AGBL4: variants seen among roughly 807,000 people sequenced by gnomAD.
The protein encoded by AGBL4 is AGBL carboxypeptidase 4, also known as cytosolic carboxypeptidase 6.
Under a neutral mutation model 66.4 loss-of-function variants are expected in AGBL4, and 58 were observed. That is an observed-to-expected ratio of 0.87 (90% CI 0.71 to 1.09). AGBL4 has a LOEUF of 1.09. AGBL4 is among the 50% of genes least tolerant of loss of function. AGBL4 has a pLI of 0.00. For missense variants in AGBL4, 579 were observed against 631.0 expected, an observed-to-expected ratio of 0.92 and a Z score of 0.88; for synonymous variants, 234 against 222.9, an observed-to-expected ratio of 1.05 and a Z score of -0.44.
At chr1:49,507,537 C>T (rs1332945581) in intron 3 of AGBL4, among the ~76,000 whole-genome samples, 2 of 151,708 alleles carry the variant, frequency 1.3e-5, no homozygotes, top group Admixed American at 6.6e-5. Context: ...GAACACTTTT[C>T]AATTACTCCT....
intron 2 of AGBL4, among the ~76,000 whole-genome samples, chr1:49,815,581 G>C (rs1645211155): frequency 6.6e-6 from 1 of 151,980 alleles, no homozygotes; most frequent in Admixed American, 6.6e-5. Flanking sequence ...TCATTAACTT[G>C]GGAACCTCCA....
intron 3 of AGBL4, among the ~76,000 whole-genome samples, chr1:49,658,054 A>T (rs1431309044): frequency 6.6e-6 from 1 of 152,194 alleles, no homozygotes. Context: ...AGAAACTACC[A>T]TCAGAGTGAA....
intron 3 of AGBL4, among the ~76,000 whole-genome samples, chr1:49,264,004 T>A (rs1477066906): frequency 2.6e-5 from 4 of 152,166 alleles, no homozygotes; most frequent in African/African-American, 4.8e-5. Context: ...CCAAAAACTA[T>A]GTTTAATGAA....
In AGBL4 at chr1:49,935,762, C is replaced by G. The variant is rs368033063; in HGVS notation, c.35-84244G>C. ...GGACCTCTAGCAAACTCCAACAGAC[C>G]TGCAGCTGAGGGTCCTGTCTGTTAG... On this transcript the variant is annotated intron_variant, in intron 1 of 13. Coordinates refer to ENST00000371839, the MANE Select transcript of AGBL4 (RefSeq NM_032785.4). Among the ~76,000 whole-genome samples the G allele has an allele frequency of 2.0e-5, 3 of 152,306 alleles. No individual in the cohort carries two copies. In the East Asian group the frequency reaches 5.8e-4, roughly 29 times the overall value.
At chr1:48,911,037 A>G (rs1653046175) in intron 5 of AGBL4, among the ~76,000 whole-genome samples, 1 of 152,058 alleles carries the variant, frequency 6.6e-6, no homozygotes, top group South Asian at 2.1e-4. Context: ...TGGTTTTTTG[A>G]TCAGTTTTGT....
chr1:49,601,122 C>T (rs574525961), intron 3 of AGBL4, among the ~76,000 whole-genome samples: 31 of 152,014 alleles, frequency 2.0e-4, no homozygotes, highest in African/African-American at 5.1e-4. Flanking sequence ...TTGCTCTTCT[C>T]GAGGAATATC....
chr1:49,210,238 C>T lies in AGBL4; in HGVS notation c.377+35532G>A, dbSNP rs533100341. 6.6e-5 allele frequency among the ~76,000 whole-genome samples: 10 copies of T among 152,136 alleles called. No homozygotes were observed. In the East Asian group the frequency reaches 1.9e-3, roughly 30 times the overall value. ...CCTTTCATCTATTTTTTAAAAGTCTCTAAGGATTAAATATTGTTATTTCTC... is the reference window on the plus strand; with the variant it reads ...CCTTTCATCTATTTTTTAAAAGTCTTTAAGGATTAAATATTGTTATTTCTC... On this transcript the variant is annotated intron_variant, in intron 4 of 13. Coordinates refer to ENST00000371839, the MANE Select transcript of AGBL4 (RefSeq NM_032785.4).
At chr1:49,016,714 G>T (rs117265664) in intron 5 of AGBL4, among the ~76,000 whole-genome samples, 1 of 152,180 alleles carries the variant, frequency 6.6e-6, no homozygotes, top group Non-Finnish European at 1.5e-5. Flanking sequence ...TAAACAGGTC[G>T]TCAGCGAACC....
At chr1:48,690,443 T>C (rs1273664678) in intron 6 of AGBL4, among the ~76,000 whole-genome samples, 1 of 152,174 alleles carries the variant, frequency 6.6e-6, no homozygotes, top group East Asian at 1.9e-4. Context: ...TCATTAATCC[T>C]AATCTGCCAT....
intron 3 of AGBL4, among the ~76,000 whole-genome samples, chr1:49,485,383 C>A (rs1254746515): frequency 1.4e-5 from 2 of 144,896 alleles, no homozygotes; most frequent in Non-Finnish European, 3.0e-5. Context: ...CGCATGTTCT[C>A]ACTCATAGGT....
chr1:48,932,005 G>C (rs1183226057), intron 5 of AGBL4, among the ~76,000 whole-genome samples: 3 of 152,106 alleles, frequency 2.0e-5, no homozygotes, highest in African/African-American at 7.2e-5. Context: ...CAGAAAGCTA[G>C]GTTTCCTGTC....
In AGBL4 at chr1:49,916,206, C is replaced by T. The variant is rs534061775; in HGVS notation, c.35-64688G>A. 3.5e-4 allele frequency among the ~76,000 whole-genome samples: 53 copies of T among 152,262 alleles called. No homozygotes were observed. In the South Asian group the frequency reaches 8.3e-3, roughly 24 times the overall value. On this transcript the variant is annotated intron_variant, in intron 1 of 13. Transcript: ENST00000371839. ...CCCCTTCAAAAGGAACACAGCTCCT[C>T]GCCAGCAACGGAACAAAGCTGGATG...
intron 2 of AGBL4, among the ~76,000 whole-genome samples, chr1:49,806,910 G>A (rs1295426049): frequency 6.6e-6 from 1 of 152,200 alleles, no homozygotes; most frequent in Non-Finnish European, 1.5e-5. Context: ...GGTACAGGCA[G>A]TAGTTGCCAC....
intron 1 of AGBL4, among the ~76,000 whole-genome samples, chr1:49,987,566 G>A (rs1659599796): frequency 6.6e-6 from 1 of 151,950 alleles, no homozygotes; most frequent in African/African-American, 2.4e-5. Context: ...AAATACTAAT[G>A]AGCATTTTTG....
chr1:49,751,477 GT>G (rs1294942744), intron 2 of AGBL4, among the ~76,000 whole-genome samples: 1 of 152,166 alleles, frequency 6.6e-6, no homozygotes, highest in Non-Finnish European at 1.5e-5. Flanking sequence ...GCTGGATTTG[GT>G]TTGCCAGAAT....
In AGBL4 at chr1:49,000,886, A is replaced by G. The variant is rs1362612140; in HGVS notation, c.594+44698T>C. On this transcript the variant is annotated intron_variant, in intron 5 of 13. Coordinates refer to ENST00000371839, the MANE Select transcript of AGBL4 (RefSeq NM_032785.4). ...AGCAATTATGAGGCTTGGAAGCACA[A>G]TTGGTTTTTCAGGCTGGTGAGAAAT... is the stretch of plus-strand genomic sequence containing the variant. 2.0e-5 allele frequency among the ~76,000 whole-genome samples: 3 copies of G among 152,204 alleles called. No individual in the cohort carries two copies. The East Asian group carries it at 5.8e-4, about 29-fold the overall frequency.
chr1:49,812,042 G>A (rs754353044), intron 2 of AGBL4, among the ~76,000 whole-genome samples: 1 of 152,098 alleles, frequency 6.6e-6, no homozygotes, highest in Admixed American at 6.6e-5. Context: ...TTGTTATTAA[G>A]TATTTAAGCC....
chr1:49,763,264 T>C (rs917317359), intron 2 of AGBL4, among the ~76,000 whole-genome samples: 4 of 152,244 alleles, frequency 2.6e-5, no homozygotes, highest in Non-Finnish European at 4.4e-5. Context: ...CCATGCTGTG[T>C]TAGTTACTAC....
At chr1:49,658,732 A>T (rs1646204784) in intron 3 of AGBL4, among the ~76,000 whole-genome samples, 1 of 152,138 alleles carries the variant, frequency 6.6e-6, no homozygotes, top group Admixed American at 6.5e-5. Context: ...GCTGGAAATC[A>T]TCATTCTCAG....
Sources: allele counts gnomAD v4.1 joint callset (sites outside exome capture counted in the v4.1 genomes callset), GRCh38; gene constraint gnomAD v4.1.1; transcripts MANE v1.5; gene names NCBI Gene and HGNC (gene_info 2026-07-23, HGNC 2026-07-21).